Variants in DGKB observed in about 807,000 individuals in gnomAD.
The protein encoded by DGKB is 90 kDa diacylglycerol kinase.
DGKB carries 67 observed loss-of-function variants against 114.3 expected under a neutral mutation model. The observed-to-expected ratio is 0.59, with a 90% CI of 0.48 to 0.72. DGKB has a LOEUF of 0.72. Ranked by LOEUF, DGKB falls within the 30% of genes least tolerant of loss-of-function variation. DGKB has a pLI of 0.00. For missense variants in DGKB, 907 were observed against 975.2 expected (o/e 0.93, Z 0.93); for synonymous variants, 398 against 323.1 (o/e 1.23, Z -2.49).
intron 23 of DGKB, among the ~76,000 whole-genome samples, chr7:14,259,397 CTCTCTCTCTCTATA>C (rs1434832336): frequency 5.1e-5 from 5 of 98,484 alleles, no homozygotes; most frequent in African/African-American, 1.1e-4. Context: ...CTCTCTCTCT[CTCTCTCTCTCTATA>C]TATATATATA....
rs750329719 is a variant in DGKB, at chr7:14,334,362, ATG to A, written c.2122+4151_2122+4152del. Among the ~76,000 whole-genome samples, 686 of 144,770 alleles carry A rather than the reference ATG, an allele frequency of 4.7e-3. 1 individual carries two copies. The highest frequency in any genetic ancestry group is 0.021 in the Middle Eastern group (6 of 288). The allele number at this position is 144,770 out of a possible 152,430, so 95.0% of individuals were successfully genotyped here. A position where few individuals can be genotyped will look rare whatever the true frequency, so the allele number is the denominator to read the frequency against. On this transcript the variant is annotated intron_variant, in intron 23 of 25. Transcript: ENST00000402815. ...TTTATTTCTTTATATGTATATACAT[ATG>A]TGTGTGTGTGTGTGTGTGTGTGTGT...
chr7:14,381,850 T>G (rs1045598900), intron 21 of DGKB, among the ~76,000 whole-genome samples: 3 of 152,032 alleles, frequency 2.0e-5, no homozygotes, highest in African/African-American at 7.2e-5. Context: ...AGAGGAATAG[T>G]AATGATATTT....
chr7:14,387,586 T>G (rs1273957016), intron 21 of DGKB, among the ~76,000 whole-genome samples: 3 of 152,014 alleles, frequency 2.0e-5, no homozygotes, highest in African/African-American at 7.2e-5. Context: ...CTAATTGTTT[T>G]GTTTGTTTTC....
chr7:14,714,392 G>A (rs556100022), intron 6 of DGKB, among the ~76,000 whole-genome samples: 15 of 152,264 alleles, frequency 9.9e-5, no homozygotes, highest in African/African-American at 3.4e-4. Context: ...TGGCAGAGTA[G>A]GTTGGGGTCA....
chr7:14,789,332 C>A (rs1327569062), intron 2 of DGKB, among the ~76,000 whole-genome samples: 1 of 152,198 alleles, frequency 6.6e-6, no homozygotes, highest in Non-Finnish European at 1.5e-5. Context: ...TCCTCCTCAA[C>A]CTCTGGCAAA....
rs187083547 is a variant in DGKB, at chr7:14,493,509, T to A, written c.1771-15284A>T. On this transcript the variant is annotated intron_variant, in intron 20 of 25. Coordinates refer to ENST00000402815, the MANE Select transcript of DGKB (RefSeq NM_001350709.2). The stretch of plus-strand genomic sequence containing the variant: ...CTTGTACTGTAGTCACCCTACTTCT[T>A]GGGATGAAACAAGATGATATGAAGC... Among the ~76,000 whole-genome samples the A allele has an allele frequency of 4.8e-3, 732 of 152,136 alleles. 2 individuals are homozygous for A. The highest frequency in any genetic ancestry group is 6.5e-3 in the Admixed American group (99 of 15,246).
At chr7:14,698,850 A>G (rs1408140351) in intron 7 of DGKB, among the ~76,000 whole-genome samples, 1 of 152,164 alleles carries the variant, frequency 6.6e-6, no homozygotes, top group Non-Finnish European at 1.5e-5. Context: ...CTCTACCTAC[A>G]GAAAAGATTA....
upstream of DGKB, among the ~76,000 whole-genome samples, chr7:14,903,762 A>C (rs1374045522): frequency 1.3e-5 from 2 of 152,168 alleles, no homozygotes; most frequent in African/African-American, 4.8e-5. Context: ...CACGTGTGTA[A>C]AATAGTGTAT....
intron 1 of DGKB, among the ~76,000 whole-genome samples, chr7:14,918,803 G>A (rs1480203110): frequency 6.6e-6 from 1 of 151,918 alleles, no homozygotes; most frequent in African/African-American, 2.4e-5. Flanking sequence ...GGTGGCTCAC[G>A]TCTGTAATCC....
Position 14,216,336 on chromosome 7 carries a change from A to G in DGKB, c.2123-38185T>C, listed in dbSNP as rs139193729. ...ATGTCTAAGTTTTTTTGGACTTTCA[A>G]GGTCACACTAGTGTACTGTTATATG... On this transcript the variant is annotated intron_variant, in intron 23 of 25. Transcript: ENST00000402815. Among the ~76,000 whole-genome samples the G allele has an allele frequency of 2.0e-3, 311 of 152,294 alleles. 1 individual carries two copies. Among genetic ancestry groups the G allele is most frequent in the East Asian group, 0.017 (90 of 5,174 alleles).
chr7:14,385,536 T>C (rs1179155053), intron 21 of DGKB, among the ~76,000 whole-genome samples: 1 of 152,144 alleles, frequency 6.6e-6, no homozygotes, highest in African/African-American at 2.4e-5. Flanking sequence ...CCTAAGTAAA[T>C]GAATTTGGAG....
intron 13 of DGKB, among the ~76,000 whole-genome samples, chr7:14,660,511 G>T (rs1394541473): frequency 6.6e-6 from 1 of 152,038 alleles, no homozygotes; most frequent in Non-Finnish European, 1.5e-5. Context: ...TTGCGTAGAG[G>T]TGTTTGCAGT....
chr7:14,722,579 C>T (rs1014271570), intron 5 of DGKB, among the ~76,000 whole-genome samples: 4 of 152,122 alleles, frequency 2.6e-5, no homozygotes, highest in Admixed American at 1.3e-4. Context: ...TTTGGGAAGC[C>T]GAGGTGGGAG....
intron 23 of DGKB, among the ~76,000 whole-genome samples, chr7:14,286,569 T>G (rs1800909427): frequency 6.6e-6 from 1 of 152,156 alleles, no homozygotes; most frequent in South Asian, 2.1e-4. Context: ...AAAAGTTTGC[T>G]TGTGAACTTA....
Position 14,765,374 on chromosome 7 carries a change from T to C in DGKB, c.71-7643A>G, listed in dbSNP as rs188907851. ...AACCTGTTACACATATAGCAATAAG[T>C]ATTTCTACTTAGCAAAAATAAAAAC... On this transcript the variant is annotated intron_variant, in intron 2 of 25. Coordinates refer to ENST00000402815, the MANE Select transcript of DGKB (RefSeq NM_001350709.2). 2.0e-3 allele frequency among the ~76,000 whole-genome samples: 297 copies of C among 152,144 alleles called. 2 individuals carry two copies. Among genetic ancestry groups the C allele is most frequent in the Middle Eastern group, 0.014 (4 of 294 alleles).
intron 20 of DGKB, among the ~76,000 whole-genome samples, chr7:14,500,839 T>C (rs563261440): frequency 3.9e-5 from 6 of 151,960 alleles, no homozygotes; most frequent in Admixed American, 3.3e-4. Flanking sequence ...CGGTGAAATA[T>C]TTAGCAACAT....
chr7:14,356,455 G>A (rs191395682), intron 21 of DGKB, among the ~76,000 whole-genome samples: 75 of 146,188 alleles, frequency 5.1e-4, no homozygotes, highest in Non-Finnish European at 7.4e-4. Context: ...TCCGCCTTCC[G>A]GGTTTATGCC....
At chr7:14,745,172 T>G (rs896861650) in intron 4 of DGKB, among the ~76,000 whole-genome samples, 1 of 152,184 alleles carries the variant, frequency 6.6e-6, no homozygotes, top group African/African-American at 2.4e-5. Context: ...CCCTCTTTGT[T>G]TGGTTTTAAT....
At chr7:14,857,319 G>T (rs1163181219) in intron 1 of DGKB, among the ~76,000 whole-genome samples, 1 of 139,530 alleles carries the variant, frequency 7.2e-6, no homozygotes, top group South Asian at 2.4e-4. Flanking sequence ...AATTCCACAG[G>T]TTCAAGGGAA....
Sources: allele counts gnomAD v4.1 joint callset (sites outside exome capture counted in the v4.1 genomes callset), GRCh38; gene constraint gnomAD v4.1.1; transcripts MANE v1.5; gene names NCBI Gene and HGNC (gene_info 2026-07-23, HGNC 2026-07-21).